Variants in STOML1 observed in about 807,000 individuals in gnomAD.
STOML1 encodes stomatin-like protein 1.
STOML1 carries 27 observed loss-of-function variants against 35.7 expected under a neutral mutation model. The observed-to-expected ratio is 0.76, with a 90% CI of 0.56 to 1.04. The LOEUF (loss-of-function observed/expected upper bound fraction) is 1.04, where lower values mean the gene tolerates loss of function less well. Among genes scored for constraint, STOML1 ranks in the 50% least tolerant of loss-of-function variants. STOML1 has a pLI of 0.00. For synonymous variants in STOML1, 219 were observed against 227.9 expected (o/e 0.96, Z 0.35); for missense variants, 451 against 527.1 (o/e 0.86, Z 1.41).
At chr15:73,994,249 A>G (rs2069370608), upstream of STOML1, among the ~76,000 whole-genome samples, 2 of 152,196 alleles carry the variant, frequency 1.3e-5, no homozygotes, top group South Asian at 2.1e-4. Flanking sequence ...TGCAAGAGCT[A>G]TCTTTTCTGT....
intron 3 of STOML1, 46 bp downstream of exon 3, chr15:73,989,062 G>C (rs199696506): frequency 1.3e-6 from 2 of 1,541,650 alleles, no homozygotes; most frequent in Admixed American, 3.9e-5. Flanking sequence ...GTACATTCTG[G>C]ACAGGCCCCC....
In STOML1 at chr15:73,991,938, G is replaced by A. The variant is rs891066687; in HGVS notation, c.133+153C>T. 58 of 1,227,280 alleles carry A rather than the reference G, an allele frequency of 4.7e-5. 1 individual carries two copies. Among genetic ancestry groups the A allele is most frequent in the Middle Eastern group, 5.6e-4 (2 of 3,556 alleles). 76.0% of individuals were successfully genotyped at this position (1,227,280 alleles called of 1,614,324 possible). A position where few individuals can be genotyped will look rare whatever the true frequency, so the allele number is the denominator to read the frequency against. On this transcript the variant is annotated intron_variant, in intron 1 of 6. Transcript: ENST00000541638. Reference sequence around the variant, plus strand: ...GGATCGGCGCTAGCACCAGGCGCCGGGTCCAGCCCCCTCTCCACATCGTAT... The same window carrying A: ...GGATCGGCGCTAGCACCAGGCGCCGAGTCCAGCCCCCTCTCCACATCGTAT...
rs768866863 is a variant in STOML1, at chr15:73,992,272, G to A, written c.-49C>T. On this transcript the variant is annotated 5_prime_UTR_variant, in exon 1 of 7. Coordinates refer to ENST00000541638, the MANE Select transcript of STOML1 (RefSeq NM_004809.5). ...CGCGCCTCCGCGCGGCGCCCTCCCT[G>A]GCCAGTGGGCCCTACGCGGCCCCGC... 7.7e-6 allele frequency: 12 copies of A among 1,552,874 alleles called. No homozygotes were observed. The highest frequency in any genetic ancestry group is 1.9e-4 in the Middle Eastern group (1 of 5,322).
At position 73,992,250 on chromosome 15, in the gene STOML1, G is replaced by C. The variant is rs766100779; in HGVS notation, c.-27C>G. The C allele has an allele frequency of 1.3e-6, 2 of 1,578,066 alleles. No homozygotes were observed. Among genetic ancestry groups the C allele is most frequent in the East Asian group, 2.5e-5 (1 of 39,820 alleles). On this transcript the variant is annotated 5_prime_UTR_variant, in exon 1 of 7. Coordinates refer to ENST00000541638, the MANE Select transcript of STOML1 (RefSeq NM_004809.5). ...GCTTTTGACAGGAGACACGCCCCGC[G>C]CCTCCGCGCGGCGCCCTCCCTGGCC...
intron 4 of STOML1, chr15:73,986,973 A>C (rs182452519): frequency 1.3e-5 from 2 of 154,202 alleles, no homozygotes; most frequent in African/African-American, 4.8e-5. Flanking sequence ...TGCGCAGTAC[A>C]GGGATGAGCC....
Position 73,992,201 on chromosome 15 carries a change from C to G in STOML1, c.23G>C (p.Arg8Pro). The G allele has an allele frequency of 6.2e-7, 1 of 1,606,172 alleles. No homozygotes were observed. Among genetic ancestry groups the G allele is most frequent in the Non-Finnish European group, 8.5e-7 (1 of 1,177,316 alleles). The change falls in exon 1 of 7, where the codon CGG becomes CCG. Residue 8 changes from arginine to proline, a missense_variant. Coordinates refer to ENST00000541638, the MANE Select transcript of STOML1 (RefSeq NM_004809.5). The stretch of plus-strand genomic sequence containing the variant: ...GTCAAAATCACCCAGGGGCAGCGCC[C>G]GGTACCCAGACCTGCCGAGCATGGC... Reference protein sequence around the residue: MLGRSGYRALPLGDFDRF... With the variant: MLGRSGYPALPLGDFDRF...
chr15:73,983,905 G>C lies in STOML1; in HGVS notation c.*32C>G. On this transcript the variant is annotated 3_prime_UTR_variant, in exon 7 of 7. Transcript: ENST00000541638. The stretch of plus-strand genomic sequence containing the variant: ...GCCCCTCAGGCTTGGTGCCAGGCTT[G>C]GGACTGGGCTCTGGAAAGTCAGCCA... 1.3e-6 allele frequency: 2 copies of C among 1,590,226 alleles called. No homozygotes were observed. The highest frequency in any genetic ancestry group is 8.6e-7 in the Non-Finnish European group (1 of 1,165,264).
rs370665918 is a variant in STOML1, at chr15:73,983,762, G to A, written c.*175C>T. The A allele has an allele frequency of 1.3e-5, 9 of 672,332 alleles. No individual in the cohort carries two copies. Among genetic ancestry groups the A allele is most frequent in the South Asian group, 1.0e-4 (5 of 48,342 alleles). 41.6% of individuals were successfully genotyped at this position (672,332 alleles called of 1,614,324 possible). A position where few individuals can be genotyped will look rare whatever the true frequency, so the allele number is the denominator to read the frequency against. On this transcript the variant is annotated 3_prime_UTR_variant, in exon 7 of 7. Transcript: ENST00000541638. Reference sequence around the variant, plus strand: ...TCCAGAGAACCACTGTAGGGGAGACGTGCATGGCAGCCGGACTCAGCCTCC... The same window carrying A: ...TCCAGAGAACCACTGTAGGGGAGACATGCATGGCAGCCGGACTCAGCCTCC...
upstream of STOML1, among the ~76,000 whole-genome samples, chr15:73,993,577 C>T (rs967882865): frequency 6.6e-6 from 1 of 152,142 alleles, no homozygotes; most frequent in South Asian, 2.1e-4. Context: ...TAGGAAGTTG[C>T]GTATCTGCCC....
chr15:73,991,863 A>G, intron 1 of STOML1: 2 of 658,484 alleles, frequency 3.0e-6, no homozygotes, highest in Non-Finnish European at 2.6e-6. Context: ...GGAAGATAGG[A>G]GCAACGCTGG....
chr15:73,994,180 T>C (rs574649565), upstream of STOML1, among the ~76,000 whole-genome samples: 1 of 152,290 alleles, frequency 6.6e-6, no homozygotes, highest in South Asian at 2.1e-4. Flanking sequence ...TGGGTATCAT[T>C]TCTCATGAAT....
intron 4 of STOML1, chr15:73,987,652 C>T (rs1379086419): frequency 6.6e-6 from 1 of 152,216 alleles, no homozygotes; most frequent in Non-Finnish European, 1.5e-5. Context: ...CTGCCCTTGA[C>T]CATAGCTCTC....
In STOML1 at chr15:73,980,679, G is replaced by T; in HGVS notation, c.*3258C>A. 1 of 152,288 alleles carries T rather than the reference G, an allele frequency of 6.6e-6. No individual in the cohort carries two copies. The allele number at this position is 152,288 out of a possible 1,614,324, so 9.4% of individuals were successfully genotyped here. A position where few individuals can be genotyped will look rare whatever the true frequency, so the allele number is the denominator to read the frequency against. ...AATCGCAGGGGATGGGGGAAGGCAT[G>T]GGAAATATGTGTGGAGGGAGAATTT... is the stretch of plus-strand genomic sequence containing the variant. On this transcript the variant is annotated 3_prime_UTR_variant, in exon 7 of 7. Coordinates refer to ENST00000541638, the MANE Select transcript of STOML1 (RefSeq NM_004809.5).
At chr15:73,989,979 G>A (rs1265517042) in intron 2 of STOML1, 6 of 203,444 alleles carry the variant, frequency 2.9e-5, no homozygotes, top group Non-Finnish European at 6.1e-5. Context: ...TATGGAAAAT[G>A]AGGCCTGAAT....
intron 2 of STOML1, chr15:73,990,144 C>G (rs1374612803): frequency 4.0e-5 from 22 of 549,038 alleles, no homozygotes; most frequent in East Asian, 3.8e-4. Context: ...GCTTCTACCC[C>G]CTACTGGCTC....
intron 2 of STOML1, 40 bp downstream of exon 2, chr15:73,990,311 G>A (rs766056213): frequency 7.6e-6 from 12 of 1,585,030 alleles, no homozygotes; most frequent in South Asian, 2.2e-5. Flanking sequence ...AGCTCTCAGT[G>A]TGGCCCAACC....
Position 73,992,093 on chromosome 15 carries a change from G to A in STOML1, c.131C>T (p.Ala44Val). The A allele has an allele frequency of 6.3e-7, 1 of 1,587,708 alleles. No individual in the cohort carries two copies. The highest frequency in any genetic ancestry group is 8.6e-7 in the Non-Finnish European group (1 of 1,168,924). Residue 44 changes from alanine to valine, a missense_variant and splice_region_variant, in exon 1 of 7, where the codon GCC (alanine) becomes GTC (valine). Coordinates refer to ENST00000541638, the MANE Select transcript of STOML1 (RefSeq NM_004809.5). ...SPERGGVGTG[A>V]DVPQSWPSCL... ...CGCCGTGCCAGGCGGCCACTCACCG[G>A]CCCCTGTCCCCACGCCGCCCCGCTC... is the stretch of plus-strand genomic sequence containing the variant.
chr15:73,993,899 A>G (rs905281161), upstream of STOML1, among the ~76,000 whole-genome samples: 1 of 147,474 alleles, frequency 6.8e-6, no homozygotes, highest in Non-Finnish European at 1.5e-5. Flanking sequence ...ACCACCTCAG[A>G]TCCACCAGCC....
chr15:73,991,947 C>T, intron 1 of STOML1, 144 bp downstream of exon 1: 1 of 1,282,958 alleles, frequency 7.8e-7, no homozygotes, highest in South Asian at 1.6e-5. Context: ...GGGTCCAGCC[C>T]CCTCTCCACA....
Sources: gnomAD v4.1 joint callset for allele counts (sites outside exome capture counted in the v4.1 genomes callset) on GRCh38, gnomAD v4.1.1 for gene constraint, MANE v1.5 for transcripts, NCBI Gene and HGNC (gene_info 2026-07-23, HGNC 2026-07-21) for gene names.